The following SPIDR variants were observed in gnomAD, a reference collection of about 807,000 sequenced individuals.
SPIDR encodes DNA repair-scaffolding protein.
Under a neutral mutation model 104.6 loss-of-function variants are expected in SPIDR, and 93 were observed. The ratio of observed to expected loss-of-function variants is 0.89; its 90% CI spans 0.75 to 1.06. The LOEUF (loss-of-function observed/expected upper bound fraction) is 1.06. Among genes scored for constraint, SPIDR ranks in the 50% least tolerant of loss-of-function variants. The pLI is 0.00. For missense variants in SPIDR, 1,154 were observed against 1,111.2 expected (o/e 1.04, Z -0.55); for synonymous variants, 431 against 416.9 (o/e 1.03, Z -0.41).
chr8:47,668,406 G>A (rs1291605095), intron 10 of SPIDR, among the ~76,000 whole-genome samples: 1 of 151,866 alleles, frequency 6.6e-6, no homozygotes, highest in African/African-American at 2.4e-5. Context: ...GTGTTAAAGG[G>A]GGAAGCAATT....
intron 7 of SPIDR, among the ~76,000 whole-genome samples, chr8:47,433,000 T>G (rs539916673): frequency 1.1e-4 from 16 of 152,210 alleles, no homozygotes; most frequent in Non-Finnish European, 2.2e-4. Context: ...AATTTATGTC[T>G]TGATACCAGT....
chr8:47,534,506 T>A (rs1006165915), intron 8 of SPIDR, among the ~76,000 whole-genome samples: 10 of 152,204 alleles, frequency 6.6e-5, no homozygotes, highest in African/African-American at 2.4e-4. Context: ...GAGCCTATTA[T>A]GCTTAGCAAA....
In SPIDR at chr8:47,545,113, TTCTTTC is replaced by T. The variant is rs1284164273; in HGVS notation, c.1098-50696_1098-50691del. On this transcript the variant is annotated intron_variant, in intron 8 of 19. Transcript: ENST00000297423. ...TTTCTTTCTTTCTTTCTTTCTTTCT[TTCTTTC>T]TTTTTTTTTTTTTTTTGTTGAAACG... Among the ~76,000 whole-genome samples, 58 of 98,956 alleles carry T rather than the reference TTCTTTC, an allele frequency of 5.9e-4. 1 individual carries two copies. The highest frequency in any genetic ancestry group is 1.7e-3 in the African/African-American group (52 of 30,656). 64.9% of individuals were successfully genotyped at this position (98,956 alleles called of 152,430 possible).
intron 8 of SPIDR, among the ~76,000 whole-genome samples, chr8:47,493,800 T>C (rs943426619): frequency 3.3e-5 from 5 of 152,184 alleles, no homozygotes; most frequent in Non-Finnish European, 5.9e-5. Flanking sequence ...TTTTATATTA[T>C]TATTATAGTA....
intron 2 of SPIDR, among the ~76,000 whole-genome samples, chr8:47,281,658 G>A: frequency 6.6e-6 from 1 of 152,130 alleles, no homozygotes; most frequent in Non-Finnish European, 1.5e-5. Flanking sequence ...TCTAATTCTA[G>A]TTCTCTTGCT....
At chr8:47,336,307 C>A (rs2049732295) in intron 5 of SPIDR, among the ~76,000 whole-genome samples, 1 of 152,170 alleles carries the variant, frequency 6.6e-6, no homozygotes, top group African/African-American at 2.4e-5. Flanking sequence ...TGTGAACATA[C>A]TGTTACTGAA....
intron 10 of SPIDR, among the ~76,000 whole-genome samples, chr8:47,654,875 C>T (rs552206725): frequency 1.3e-5 from 2 of 152,156 alleles, no homozygotes; most frequent in South Asian, 2.1e-4. Flanking sequence ...ATCCCTCCCC[C>T]CTCCTCCCAC....
At chr8:47,563,711 A>AC (rs773265189) in intron 8 of SPIDR, among the ~76,000 whole-genome samples, 2 of 152,202 alleles carry the variant, frequency 1.3e-5, no homozygotes, top group African/African-American at 2.4e-5. Context: ...TAAAGATGGA[A>AC]CTGCTCATTG....
rs573432869 is a variant in SPIDR, at chr8:47,564,283, T to TGA, written c.1098-31527_1098-31526insAG. On this transcript the variant is annotated intron_variant, in intron 8 of 19. Coordinates refer to ENST00000297423, the MANE Select transcript of SPIDR (RefSeq NM_001080394.4). ...TAGTAGAGACCGGGTTTCGCCATAT[T>TGA]GGCCAGGATGGTCTCGATCTCTTGA... 1.5e-4 allele frequency among the ~76,000 whole-genome samples: 23 copies of TGA among 152,210 alleles called. No individual in the cohort carries two copies. The South Asian group carries it at 3.7e-3, about 25-fold the overall frequency.
intron 8 of SPIDR, among the ~76,000 whole-genome samples, chr8:47,588,758 GT>G (rs1375912172): frequency 1.3e-5 from 2 of 152,090 alleles, no homozygotes; most frequent in African/African-American, 4.8e-5. Context: ...GATTTCAGAG[GT>G]TTTTTAAAAT....
At chr8:47,269,211 G>T (rs2034739963) in intron 1 of SPIDR, among the ~76,000 whole-genome samples, 1 of 136,972 alleles carries the variant, frequency 7.3e-6, no homozygotes. Context: ...AAGCTTCAGT[G>T]ATCCATGATC....
At chr8:47,532,925 A>T (rs1447763498) in intron 8 of SPIDR, among the ~76,000 whole-genome samples, 3 of 152,240 alleles carry the variant, frequency 2.0e-5, no homozygotes, top group Non-Finnish European at 4.4e-5. Context: ...GATCATACAG[A>T]GTATGTTTCA....
intron 5 of SPIDR, chr8:47,330,793 T>C (rs1171018340): frequency 2.2e-6 from 1 of 456,114 alleles, no homozygotes; most frequent in African/African-American, 2.0e-5. Context: ...TTGGCAATTA[T>C]GATTGAAGGT....
At chr8:47,415,198 C>T (rs1232041903) in intron 7 of SPIDR, among the ~76,000 whole-genome samples, 4 of 152,158 alleles carry the variant, frequency 2.6e-5, no homozygotes, top group East Asian at 1.9e-4. Context: ...CCACCATGCC[C>T]GGCCTATTCT....
At chr8:47,731,619 G>A (rs2085253594) in intron 19 of SPIDR, among the ~76,000 whole-genome samples, 1 of 152,258 alleles carries the variant, frequency 6.6e-6, no homozygotes, top group Non-Finnish European at 1.5e-5. Flanking sequence ...GCAGAGTTGG[G>A]AGCCAGCCCA....
At chr8:47,313,333 A>T (rs1554586929) in intron 5 of SPIDR, among the ~76,000 whole-genome samples, 1 of 152,196 alleles carries the variant, frequency 6.6e-6, no homozygotes, top group Admixed American at 6.5e-5. Context: ...AGAATAAAAT[A>T]CCTAGGAATC....
intron 8 of SPIDR, among the ~76,000 whole-genome samples, chr8:47,579,870 T>G (rs190494553): frequency 8.1e-4 from 124 of 152,264 alleles, no homozygotes; most frequent in Non-Finnish European, 1.9e-4. Flanking sequence ...CTTACCCATA[T>G]CCAAGTAGGG....
intron 10 of SPIDR, among the ~76,000 whole-genome samples, chr8:47,660,090 A>G (rs2073855287): frequency 6.6e-6 from 1 of 152,248 alleles, no homozygotes; most frequent in Admixed American, 6.5e-5. Flanking sequence ...GAAAGGAGGA[A>G]GGGACAGTTA....
chr8:47,488,302 G>T (rs1427347198), intron 8 of SPIDR, among the ~76,000 whole-genome samples: 4 of 152,150 alleles, frequency 2.6e-5, no homozygotes, highest in Middle Eastern at 6.3e-3. Context: ...ACTAAACCAG[G>T]AAGAAGTTGA....
Sources: allele counts gnomAD v4.1 joint callset (sites outside exome capture counted in the v4.1 genomes callset), GRCh38; gene constraint gnomAD v4.1.1; transcripts MANE v1.5; gene names NCBI Gene and HGNC (gene_info 2026-07-23, HGNC 2026-07-21).